Variants in KCTD8 observed in about 807,000 individuals in gnomAD.
KCTD8 encodes the protein potassium channel tetramerization domain containing 8.
A neutral mutation model predicts 31.5 loss-of-function variants in KCTD8; 27 were observed. The observed-to-expected ratio is 0.86, with a 90% confidence interval of 0.63 to 1.18. The LOEUF (loss-of-function observed/expected upper bound fraction) is 1.18, where lower values mean the gene tolerates loss of function less well. Ranked by LOEUF, KCTD8 falls within the 50% of genes most tolerant of loss-of-function variation. The pLI is 0.00. For synonymous variants in KCTD8, 290 were observed against 280.0 expected (o/e 1.04, Z -0.36); for missense variants, 658 against 647.7 (o/e 1.02, Z -0.17).
chr4:44,418,121 A>G (rs1721120798), intron 1 of KCTD8, among the ~76,000 whole-genome samples: 1 of 152,152 alleles, frequency 6.6e-6, no homozygotes, highest in Non-Finnish European at 1.5e-5. Flanking sequence ...AGGAGCCACG[A>G]ATTATGCCTC....
chr4:44,369,009 G>C (rs921145367), intron 1 of KCTD8, among the ~76,000 whole-genome samples: 1 of 152,128 alleles, frequency 6.6e-6, no homozygotes, highest in African/African-American at 2.4e-5. Flanking sequence ...CTGTAGGCTG[G>C]TTGGCCACCA....
chr4:44,377,253 C>T (rs1262850973), intron 1 of KCTD8, among the ~76,000 whole-genome samples: 2 of 152,174 alleles, frequency 1.3e-5, no homozygotes, highest in Non-Finnish European at 2.9e-5. Flanking sequence ...CCTCCCCTGG[C>T]TCCTTCTCTT....
intron 1 of KCTD8, among the ~76,000 whole-genome samples, chr4:44,403,356 G>A (rs1255553826): frequency 2.0e-5 from 3 of 150,712 alleles, no homozygotes; most frequent in African/African-American, 4.9e-5. Context: ...TACTTTTTCT[G>A]TAGAAATATT....
chr4:44,335,282 G>C (rs930227005), intron 1 of KCTD8, among the ~76,000 whole-genome samples: 2 of 151,430 alleles, frequency 1.3e-5, no homozygotes, highest in Non-Finnish European at 3.0e-5. Flanking sequence ...TATTAGCCAC[G>C]GGAGATATTC....
chr4:44,267,386 T>C (rs950750908), intron 1 of KCTD8, among the ~76,000 whole-genome samples: 3 of 152,114 alleles, frequency 2.0e-5, no homozygotes, highest in African/African-American at 7.2e-5. Flanking sequence ...CTGGGACGCA[T>C]TCAAGGCAGT....
intron 1 of KCTD8, among the ~76,000 whole-genome samples, chr4:44,399,894 C>A (rs1170070522): frequency 1.3e-5 from 2 of 152,088 alleles, no homozygotes; most frequent in East Asian, 1.9e-4. Flanking sequence ...AAAATATATT[C>A]TTTTCTAGAT....
chr4:44,373,528 C>T (rs4336268), intron 1 of KCTD8, among the ~76,000 whole-genome samples: 124,078 of 152,020 alleles, frequency 0.82, 50,877 homozygotes, highest in South Asian at 0.89. Flanking sequence ...ACCTACCACA[C>T]AGTGTCATTA....
intron 1 of KCTD8, among the ~76,000 whole-genome samples, chr4:44,242,593 A>C (rs570888255): frequency 6.6e-6 from 1 of 151,886 alleles, no homozygotes; most frequent in Non-Finnish European, 1.5e-5. Context: ...CAAACAAACA[A>C]ACAAACAAAC....
intron 1 of KCTD8, among the ~76,000 whole-genome samples, chr4:44,434,902 T>C (rs1226920411): frequency 1.3e-5 from 2 of 151,878 alleles, no homozygotes; most frequent in East Asian, 1.9e-4. Flanking sequence ...CTGTCATTCA[T>C]GGGATTTTGT....
chr4:44,366,291 T>C (rs1054328681), intron 1 of KCTD8, among the ~76,000 whole-genome samples: 4 of 152,168 alleles, frequency 2.6e-5, no homozygotes, highest in Non-Finnish European at 5.9e-5. Flanking sequence ...AACATGTGAT[T>C]CCCAGTGTTA....
intron 1 of KCTD8, among the ~76,000 whole-genome samples, chr4:44,385,932 T>G (rs776403149): frequency 6.6e-6 from 1 of 151,478 alleles, no homozygotes; most frequent in Non-Finnish European, 1.5e-5. Flanking sequence ...GTATGAATGA[T>G]TGATAAGCAC....
At chr4:44,393,380 A>G (rs1720418009) in intron 1 of KCTD8, among the ~76,000 whole-genome samples, 1 of 152,050 alleles carries the variant, frequency 6.6e-6, no homozygotes, top group Non-Finnish European at 1.5e-5. Flanking sequence ...TAAAGCATTT[A>G]AAAACTACAT....
intron 1 of KCTD8, among the ~76,000 whole-genome samples, chr4:44,353,497 T>C (rs1719266361): frequency 6.6e-6 from 1 of 152,066 alleles, no homozygotes. Flanking sequence ...TCTATTATCT[T>C]TAAATATACA....
At chr4:44,437,738 G>A (rs1721704304) in intron 1 of KCTD8, among the ~76,000 whole-genome samples, 1 of 151,902 alleles carries the variant, frequency 6.6e-6, no homozygotes, top group African/African-American at 2.4e-5. Flanking sequence ...ATGGAGATAA[G>A]GTGAAAAAGA....
At chr4:44,279,591 GA>G (rs991661186) in intron 1 of KCTD8, among the ~76,000 whole-genome samples, 1 of 152,022 alleles carries the variant, frequency 6.6e-6, no homozygotes, top group African/African-American at 2.4e-5. Flanking sequence ...ATTACATCTA[GA>G]AATTCCCTTG....
At chr4:44,201,382 G>A (rs1285535524) in intron 1 of KCTD8, among the ~76,000 whole-genome samples, 1 of 151,960 alleles carries the variant, frequency 6.6e-6, no homozygotes, top group African/African-American at 2.4e-5. Context: ...AAAGATGGAG[G>A]TATCACATTA....
At position 44,275,285 on chromosome 4, in the gene KCTD8, T is replaced by G. The variant is rs538936745; in HGVS notation, c.962-100035A>C. Among the ~76,000 whole-genome samples, 8 of 152,058 alleles carry G rather than the reference T, an allele frequency of 5.3e-5. No individual in the cohort carries two copies. In the South Asian group the frequency reaches 1.7e-3, roughly 32 times the overall value. ...CCTTTCCTGTGCTTGTTCCTAACAT[T>G]TGGGTAAATCATCTTTATGAGAAAA... On this transcript the variant is annotated intron_variant, in intron 1 of 1. Coordinates refer to ENST00000360029, the MANE Select transcript of KCTD8 (RefSeq NM_198353.3).
intron 1 of KCTD8, among the ~76,000 whole-genome samples, chr4:44,252,887 C>G (rs781271974): frequency 6.6e-6 from 1 of 151,596 alleles, no homozygotes; most frequent in African/African-American, 2.4e-5. Context: ...TGCAACAGCT[C>G]GAATAATATA....
At chr4:44,233,292 C>A (rs1715178347) in intron 1 of KCTD8, among the ~76,000 whole-genome samples, 1 of 152,104 alleles carries the variant, frequency 6.6e-6, no homozygotes, top group Non-Finnish European at 1.5e-5. Context: ...CTTTCAAAGC[C>A]TCAAAATATT....
Sources: gnomAD v4.1 joint callset for allele counts (sites outside exome capture counted in the v4.1 genomes callset) on GRCh38, gnomAD v4.1.1 for gene constraint, MANE v1.5 for transcripts, NCBI Gene and HGNC (gene_info 2026-07-23, HGNC 2026-07-21) for gene names.